ARHGAP44: variants seen among roughly 807,000 people sequenced by gnomAD.
ARHGAP44 encodes rho GTPase-activating protein 44.
A neutral mutation model predicts 106.8 loss-of-function variants in ARHGAP44; 43 were observed. The observed-to-expected ratio is 0.40, with a 90% CI of 0.32 to 0.52. The LOEUF (loss-of-function observed/expected upper bound fraction) is 0.52. Ranked by LOEUF, ARHGAP44 falls within the 20% of genes least tolerant of loss-of-function variation. ARHGAP44 has a pLI of 0.48. For missense variants in ARHGAP44, 866 were observed against 1,050.5 expected (o/e 0.82, Z 2.43); for synonymous variants, 439 against 410.3 (o/e 1.07, Z -0.85).
At chr17:12,950,095 T>C (rs973059229) in intron 12 of ARHGAP44, among the ~76,000 whole-genome samples, 3 of 152,202 alleles carry the variant, frequency 2.0e-5, no homozygotes, top group African/African-American at 7.2e-5. Context: ...TGACATTCTA[T>C]TGTTATAAAA....
chr17:12,891,049 A>G (rs531926461), intron 1 of ARHGAP44, among the ~76,000 whole-genome samples: 1 of 152,300 alleles, frequency 6.6e-6, no homozygotes, highest in South Asian at 2.1e-4. Context: ...TTTACTGTCC[A>G]TATTTCTGCC....
At chr17:12,900,366 A>G (rs1214494406) in intron 3 of ARHGAP44, among the ~76,000 whole-genome samples, 4 of 151,952 alleles carry the variant, frequency 2.6e-5, no homozygotes, top group Non-Finnish European at 4.4e-5. Context: ...CTGACCCATG[A>G]TCTGCCCGCC....
At chr17:12,959,054 A>G in intron 16 of ARHGAP44, 157 bp downstream of exon 16, 1 of 924,664 alleles carries the variant, frequency 1.1e-6, no homozygotes, top group Non-Finnish European at 1.6e-6. Context: ...TGTGTCTGGG[A>G]TGAGTTTCTT....
chr17:12,931,868 ACACACACACACATAT>A (rs1204098663), intron 7 of ARHGAP44, among the ~76,000 whole-genome samples: 1 of 151,580 alleles, frequency 6.6e-6, no homozygotes, highest in Non-Finnish European at 1.5e-5. Context: ...ACACACACAC[ACACACACACACATAT>A]CATGATTTAT....
intron 1 of ARHGAP44, among the ~76,000 whole-genome samples, chr17:12,803,851 A>G (rs1292873503): frequency 6.6e-6 from 1 of 152,156 alleles, no homozygotes; most frequent in Non-Finnish European, 1.5e-5. Context: ...ACTGCATACT[A>G]TAAATTTATC....
chr17:12,990,232 G>A lies in ARHGAP44; in HGVS notation c.*61G>A, dbSNP rs559002533. Reference sequence around the variant, plus strand: ...ATCACGGGCCCTAGGAACGCCGCCAGGAGCAGCGTCCATGAGCTTGCCAAG... The same window carrying A: ...ATCACGGGCCCTAGGAACGCCGCCAAGAGCAGCGTCCATGAGCTTGCCAAG... On this transcript the variant is annotated 3_prime_UTR_variant, in exon 21 of 21. Transcript: ENST00000379672. 3 of 1,560,758 alleles carry A rather than the reference G, an allele frequency of 1.9e-6. No homozygotes were observed. Among genetic ancestry groups the A allele is most frequent in the Non-Finnish European group, 2.6e-6 (3 of 1,144,756 alleles).
At chr17:12,921,409 G>C (rs1360915896) in intron 6 of ARHGAP44, among the ~76,000 whole-genome samples, 1 of 152,146 alleles carries the variant, frequency 6.6e-6, no homozygotes, top group African/African-American at 2.4e-5. Flanking sequence ...GCAGGGATGT[G>C]ATCATAGCTC....
At chr17:12,880,015 A>G (rs1339848563) in intron 1 of ARHGAP44, among the ~76,000 whole-genome samples, 1 of 152,034 alleles carries the variant, frequency 6.6e-6, no homozygotes, top group East Asian at 1.9e-4. Context: ...GGTGGAAGAA[A>G]ATCCATCTAT....
At chr17:12,839,868 T>C (rs978172507) in intron 1 of ARHGAP44, among the ~76,000 whole-genome samples, 1 of 152,200 alleles carries the variant, frequency 6.6e-6, no homozygotes, top group Non-Finnish European at 1.5e-5. Context: ...CACTGATACT[T>C]ACAGGAAAAT....
Position 12,868,576 on chromosome 17 carries a change from T to TG in ARHGAP44, c.54-26364_54-26363insG. ...AAAAGCCAAAAAGTCATTTAAAAAGTCATATATATGCATTTTATATATATA... is the reference window on the plus strand; with the variant it reads ...AAAAGCCAAAAAGTCATTTAAAAAGTGCATATATATGCATTTTATATATATA... On this transcript the variant is annotated intron_variant, in intron 1 of 20. Transcript: ENST00000379672. Among the ~76,000 whole-genome samples the TG allele has an allele frequency of 2.3e-4, 23 of 98,992 alleles. 2 individuals are homozygous for TG. The highest frequency in any genetic ancestry group is 4.9e-4 in the Admixed American group (4 of 8,190). 64.9% of individuals were successfully genotyped at this position (98,992 alleles called of 152,430 possible).
chr17:12,952,423 A>T (rs2039013151), intron 12 of ARHGAP44, 78 bp from the exon 13 acceptor site: 1 of 1,180,758 alleles, frequency 8.5e-7, no homozygotes, highest in East Asian at 2.6e-5. Context: ...CAAATATTAC[A>T]ATGATTGGTT....
At chr17:12,877,758 A>AG (rs2036601434) in intron 1 of ARHGAP44, among the ~76,000 whole-genome samples, 1 of 152,154 alleles carries the variant, frequency 6.6e-6, no homozygotes, top group African/African-American at 2.4e-5. Context: ...TAAAAAAAAA[A>AG]AAACACTAAA....
rs2040098886 is a variant in ARHGAP44 at position 12,990,350 on chromosome 17, TGCA to T, written c.*181_*183del. The T allele has an allele frequency of 1.3e-6, 1 of 788,188 alleles. No homozygotes were observed. The highest frequency in any genetic ancestry group is 2.0e-5 in the South Asian group (1 of 49,644). 48.8% of individuals were successfully genotyped at this position (788,188 alleles called of 1,614,324 possible). On this transcript the variant is annotated 3_prime_UTR_variant, in exon 21 of 21. Transcript: ENST00000379672. Reference sequence around the variant, plus strand: ...CCAGTCCGTGTGGTGATGCTGGTGGTGCAGGTTTTGTTTGTTCCTTTCGGGTGG... The same window carrying T: ...CCAGTCCGTGTGGTGATGCTGGTGGTGGTTTTGTTTGTTCCTTTCGGGTGG...
rs200385086 is a variant in ARHGAP44 at position 12,813,305 on chromosome 17, G to GT, written c.53+23426dup. On this transcript the variant is annotated intron_variant, in intron 1 of 20. Coordinates refer to ENST00000379672, the MANE Select transcript of ARHGAP44 (RefSeq NM_014859.6). ...TGTGAAAAGTTAAAGGAGGTTTTTT[G>GT]TTTTTTTTTTTTAGAAAGATAAAGA... Among the ~76,000 whole-genome samples, 796 of 141,860 alleles carry GT rather than the reference G, an allele frequency of 5.6e-3. 4 individuals are homozygous for GT. The highest frequency in any genetic ancestry group is 0.015 in the African/African-American group (584 of 39,050). 93.1% of individuals were successfully genotyped at this position (141,860 alleles called of 152,430 possible). A position where few individuals can be genotyped will look rare whatever the true frequency, so the allele number is the denominator to read the frequency against.
intron 1 of ARHGAP44, among the ~76,000 whole-genome samples, chr17:12,822,238 A>G (rs975865332): frequency 6.6e-6 from 1 of 152,232 alleles, no homozygotes; most frequent in African/African-American, 2.4e-5. Context: ...GCTGTGTTCT[A>G]GTAGATCGAG....
chr17:12,926,778 A>T (rs1291645608), intron 6 of ARHGAP44, among the ~76,000 whole-genome samples: 1 of 151,850 alleles, frequency 6.6e-6, no homozygotes, highest in African/African-American at 2.4e-5. Flanking sequence ...AAATCTACTT[A>T]GTGTTTGTAG....
intron 1 of ARHGAP44, among the ~76,000 whole-genome samples, chr17:12,841,639 C>CACACACACACAA (rs1555546108): frequency 5.1e-5 from 7 of 137,396 alleles, no homozygotes; most frequent in African/African-American, 2.1e-4. Flanking sequence ...CACACACACA[C>CACACACACACAA]AAACAAACAA....
At chr17:12,934,039 G>A (rs1476292850) in intron 7 of ARHGAP44, among the ~76,000 whole-genome samples, 1 of 151,892 alleles carries the variant, frequency 6.6e-6, no homozygotes, top group East Asian at 1.9e-4. Context: ...AGTAGAGACA[G>A]GGTTTCACCG....
chr17:12,973,648 TC>T, intron 17 of ARHGAP44: 1 of 483,018 alleles, frequency 2.1e-6, no homozygotes, highest in Non-Finnish European at 3.6e-6. Context: ...AGTTCCACGC[TC>T]CCCCCTTCGC....
Sources: gnomAD v4.1 joint callset for allele counts (sites outside exome capture counted in the v4.1 genomes callset) on GRCh38, gnomAD v4.1.1 for gene constraint, MANE v1.5 for transcripts, NCBI Gene and HGNC (gene_info 2026-07-23, HGNC 2026-07-21) for gene names.